PCDHA7: variants seen among roughly 807,000 people sequenced by gnomAD.
The protein encoded by PCDHA7 is protocadherin alpha-7.
A neutral mutation model predicts 57.2 loss-of-function variants in PCDHA7; 37 were observed. The observed-to-expected ratio is 0.65, with a 90% confidence interval of 0.50 to 0.85. The LOEUF (loss-of-function observed/expected upper bound fraction) is 0.85. Among genes scored for constraint, PCDHA7 ranks in the 40% least tolerant of loss-of-function variants. The pLI, the probability that PCDHA7 is intolerant of heterozygous loss-of-function variation, is 0.00. For missense variants in PCDHA7, 1,188 were observed against 1,241.8 expected (o/e 0.96, Z 0.65); for synonymous variants, 553 against 558.8 (o/e 0.99, Z 0.15).
intron 1 of PCDHA7, among the ~76,000 whole-genome samples, chr5:140,891,471 C>T (rs1239816606): frequency 6.6e-6 from 1 of 151,474 alleles, no homozygotes; most frequent in Non-Finnish European, 1.5e-5. Flanking sequence ...GAATTAATGC[C>T]TTTACATCAC....
intron 1 of PCDHA7, chr5:140,870,012 C>T (rs2051581500): frequency 6.2e-7 from 1 of 1,613,354 alleles, no homozygotes; most frequent in African/African-American, 1.3e-5. Context: ...AAGTGAGGGT[C>T]AATGGAACTT....
intron 1 of PCDHA7, chr5:140,870,282 C>T (rs886699693): frequency 6.2e-7 from 1 of 1,614,228 alleles, no homozygotes; most frequent in Non-Finnish European, 8.5e-7. Context: ...CCCACGTTCC[C>T]TTCAAGCTGG....
intron 1 of PCDHA7, chr5:140,882,120 CT>C (rs2058961361): frequency 6.9e-7 from 1 of 1,449,002 alleles, no homozygotes; most frequent in East Asian, 2.3e-5. Flanking sequence ...GCCGCCGTTT[CT>C]TTCTTCCTGC....
intron 1 of PCDHA7, among the ~76,000 whole-genome samples, chr5:140,872,788 G>A (rs1419437796): frequency 6.6e-6 from 1 of 152,076 alleles, no homozygotes. Context: ...ATATATGCTA[G>A]TTGGCATTCT....
chr5:141,006,436 A>G (rs2153987648), intron 3 of PCDHA7, among the ~76,000 whole-genome samples: 1 of 152,098 alleles, frequency 6.6e-6, no homozygotes, highest in African/African-American at 2.4e-5. Context: ...GATGGTCTCA[A>G]TCTCCTGACC....
At chr5:140,885,910 T>C (rs55634134) in intron 1 of PCDHA7, among the ~76,000 whole-genome samples, 4,308 of 152,302 alleles carry the variant, frequency 0.028, 189 homozygotes, top group African/African-American at 0.098. Context: ...CTGTACCTTA[T>C]AGATATTAAC....
chr5:140,970,847 C>A (rs2096437224), intron 1 of PCDHA7, among the ~76,000 whole-genome samples: 1 of 149,802 alleles, frequency 6.7e-6, no homozygotes, highest in Non-Finnish European at 1.5e-5. Context: ...TGCACAGGCA[C>A]AAAAGTTCCA....
At chr5:140,975,330 A>G (rs563974651) in intron 1 of PCDHA7, among the ~76,000 whole-genome samples, 1 of 152,320 alleles carries the variant, frequency 6.6e-6, no homozygotes, top group African/African-American at 2.4e-5. Flanking sequence ...CATCCAGATG[A>G]TCTCCCTTTC....
Position 141,010,074 on chromosome 5 carries a change from G to C in PCDHA7, c.*137G>C. 6.2e-7 allele frequency: 1 copy of C among 1,607,844 alleles called. No homozygotes were observed. Among genetic ancestry groups the C allele is most frequent in the Non-Finnish European group, 8.5e-7 (1 of 1,176,754 alleles). On this transcript the variant is annotated 3_prime_UTR_variant, in exon 4 of 4. Transcript: ENST00000525929. ...CTCAGAAATCTGCAGAAAGTTCCCT[G>C]TGTCTGTCTAGAACGCATTTAACAG...
Position 140,883,556 on chromosome 5 carries a change from G to C in PCDHA7, c.2355+46818G>C, listed in dbSNP as rs144498761. ...TGAACTGGTGGTGACCGCGCGGGAC[G>C]GGGGCTCGCCTTCGCTGTGGGCCAC... On this transcript the variant is annotated intron_variant, in intron 1 of 3. Transcript: ENST00000525929. The C allele has an allele frequency of 2.1e-4, 339 of 1,614,184 alleles. 1 individual carries two copies. In the Middle Eastern group the frequency reaches 8.9e-3, roughly 42 times the overall value.
chr5:140,917,442 G>C (rs186885625), intron 1 of PCDHA7, among the ~76,000 whole-genome samples: 5 of 152,072 alleles, frequency 3.3e-5, no homozygotes, highest in Admixed American at 3.3e-4. Flanking sequence ...TGTTTTTGCT[G>C]CAAGAGCGTT....
rs2150256843 is a variant in PCDHA7, at chr5:140,836,284, C to T, written c.1901C>T (p.Thr634Ile). ...VGLYTGEISTTRALDETDAPR... is the reference protein window; with the variant it reads ...VGLYTGEISTIRALDETDAPR... ...CTGTACACTGGTGAGATCAGCACGACACGAGCCCTAGATGAGACGGACGCA... is the reference window on the plus strand; with the variant it reads ...CTGTACACTGGTGAGATCAGCACGATACGAGCCCTAGATGAGACGGACGCA... Residue 634 changes from threonine to isoleucine, a missense_variant, in exon 1 of 4, where the codon ACA (threonine) becomes ATA (isoleucine). Thr to Ile is a moderately conservative substitution (Grantham distance 89, BLOSUM62 -1). Coordinates refer to ENST00000525929, the MANE Select transcript of PCDHA7 (RefSeq NM_018910.3). The T allele has an allele frequency of 6.2e-7, 1 of 1,613,808 alleles. No homozygotes were observed. The highest frequency in any genetic ancestry group is 1.1e-5 in the South Asian group (1 of 91,074).
chr5:140,909,491 A>G (rs1031839388), intron 1 of PCDHA7, among the ~76,000 whole-genome samples: 5 of 152,218 alleles, frequency 3.3e-5, no homozygotes, highest in Non-Finnish European at 7.3e-5. Context: ...GGAGAGCTGA[A>G]CGGGGATGTG....
At chr5:140,860,140 T>C (rs1451807345) in intron 1 of PCDHA7, 2 of 150,358 alleles carry the variant, frequency 1.3e-5, no homozygotes, top group African/African-American at 2.4e-5. Flanking sequence ...TGTGTATATA[T>C]ATGTATATAT....
At chr5:140,890,784 T>C (rs2062805881) in intron 1 of PCDHA7, among the ~76,000 whole-genome samples, 1 of 152,212 alleles carries the variant, frequency 6.6e-6, no homozygotes, top group South Asian at 2.1e-4. Flanking sequence ...CCATAAGATA[T>C]TAGTATTATT....
chr5:140,864,654 C>T (rs1554159035), intron 1 of PCDHA7: 1 of 152,246 alleles, frequency 6.6e-6, no homozygotes, highest in Non-Finnish European at 1.5e-5. Context: ...GTCAGCTCTA[C>T]TTAATTACCT....
chr5:140,943,467 G>C lies in PCDHA7; in HGVS notation c.2356-35482G>C, dbSNP rs559827697. 2.0e-5 allele frequency among the ~76,000 whole-genome samples: 3 copies of C among 152,126 alleles called. No individual in the cohort carries two copies. The East Asian group carries it at 5.8e-4, about 29-fold the overall frequency. On this transcript the variant is annotated intron_variant, in intron 1 of 3. Coordinates refer to ENST00000525929, the MANE Select transcript of PCDHA7 (RefSeq NM_018910.3). ...AGAATTGATAAGGCTAAATGTGGGA[G>C]ATACAGTAAAATAATAAATAGATGC... is the stretch of plus-strand genomic sequence containing the variant.
rs781922775 is a variant in PCDHA7 at position 140,856,490 on chromosome 5, G to C, written c.2355+19752G>C. On this transcript the variant is annotated intron_variant, in intron 1 of 3. Coordinates refer to ENST00000525929, the MANE Select transcript of PCDHA7 (RefSeq NM_018910.3). Reference sequence around the variant, plus strand: ...CTCAATACCTGAATCCAGACTGCTTGACTCTCGATTTCCACTAGAAGGCGC... The same window carrying C: ...CTCAATACCTGAATCCAGACTGCTTCACTCTCGATTTCCACTAGAAGGCGC... 1.9e-6 allele frequency: 3 copies of C among 1,598,350 alleles called. 1 individual carries two copies. The highest frequency in any genetic ancestry group is 2.6e-6 in the Non-Finnish European group (3 of 1,167,864).
At chr5:140,889,724 T>C (rs1198530950) in intron 1 of PCDHA7, among the ~76,000 whole-genome samples, 6 of 152,216 alleles carry the variant, frequency 3.9e-5, no homozygotes, top group African/African-American at 1.4e-4. Context: ...TGCTACTGTC[T>C]CACTGAGTAG....
Sources: gnomAD v4.1 joint callset for allele counts (sites outside exome capture counted in the v4.1 genomes callset) on GRCh38, gnomAD v4.1.1 for gene constraint, MANE v1.5 for transcripts, NCBI Gene and HGNC (gene_info 2026-07-23, HGNC 2026-07-21) for gene names.